The following APOL2 variants were observed in gnomAD, a reference collection of about 807,000 sequenced individuals.
APOL2 encodes the protein apolipoprotein L, 2.
APOL2 carries 8 observed loss-of-function variants against 7.1 expected under a neutral mutation model. That is an observed-to-expected ratio of 1.12 (90% CI 0.66 to 2.03). APOL2 has a LOEUF of 2.03. APOL2 is among the 30% of genes most tolerant of loss of function. APOL2 has a pLI of 0.00. For missense variants in APOL2, 471 were observed against 415.1 expected (o/e 1.13, Z -1.17); for synonymous variants, 177 against 159.9 (o/e 1.11, Z -0.81).
intron 1 of APOL2, chr22:36,237,432 A>G: frequency 2.6e-6 from 3 of 1,142,396 alleles, no homozygotes; most frequent in Non-Finnish European, 3.2e-6. Flanking sequence ...TTTTTGAGAA[A>G]CTGTCTTGCT....
chr22:36,236,477 G>T, intron 1 of APOL2: 1 of 807,732 alleles, frequency 1.2e-6, no homozygotes, highest in Non-Finnish European at 1.5e-6. Flanking sequence ...GAGAGATAGA[G>T]GGAGTGTACA....
intron 1 of APOL2, among the ~76,000 whole-genome samples, chr22:36,238,163 G>A (rs866069002): frequency 3.2e-4 from 49 of 152,218 alleles, no homozygotes; most frequent in African/African-American, 1.1e-3. Context: ...CACCCCCTAC[G>A]ACTGACCTGG....
intron 1 of APOL2, chr22:36,234,316 C>T (rs933366494): frequency 6.6e-6 from 1 of 152,232 alleles, no homozygotes; most frequent in African/African-American, 2.4e-5. Context: ...TTCAGTCTTA[C>T]TGGCTCTCAG....
intron 1 of APOL2, among the ~76,000 whole-genome samples, chr22:36,236,308 AG>A: frequency 6.6e-6 from 1 of 152,344 alleles, no homozygotes; most frequent in East Asian, 1.9e-4. Flanking sequence ...ACGAAGGAGA[AG>A]GAGGATTAAT....
intron 1 of APOL2, among the ~76,000 whole-genome samples, chr22:36,235,748 G>GTGTGTGTGT (rs1569532868): frequency 1.8e-5 from 2 of 110,742 alleles, no homozygotes; most frequent in African/African-American, 4.1e-5. Flanking sequence ...AGAAAGGGTG[G>GTGTGTGTGT]GTGGGTGGGT....
chr22:36,231,319 AGT>A lies in APOL2; in HGVS notation c.137+19_137+20del. 1.2e-6 allele frequency: 2 copies of A among 1,612,842 alleles called. No homozygotes were observed. The highest frequency in any genetic ancestry group is 3.3e-5 in the Admixed American group (2 of 60,008). On this transcript the variant is annotated intron_variant, in intron 4 of 4. Transcript: ENST00000358502. ...GTGGCATCGCTGGGGCGCCCCATGGAGTTAACCCCATGGAGCTTACCTGGGCA... is the reference window on the plus strand; with the variant it reads ...GTGGCATCGCTGGGGCGCCCCATGGATAACCCCATGGAGCTTACCTGGGCA...
chr22:36,239,143 C>T, intron 1 of APOL2: 1 of 1,212,496 alleles, frequency 8.2e-7, no homozygotes, highest in Non-Finnish European at 1.0e-6. Flanking sequence ...TACCTTTCTT[C>T]TGGGGTCAGC....
chr22:36,239,798 A>G (rs2015540189), upstream of APOL2: 3 of 434,678 alleles, frequency 6.9e-6, no homozygotes, highest in Admixed American at 3.8e-5. Flanking sequence ...AGTCAGAACC[A>G]GAGTTGAGCC....
chr22:36,234,794 A>G (rs893721560), intron 1 of APOL2, among the ~76,000 whole-genome samples: 1 of 152,196 alleles, frequency 6.6e-6, no homozygotes, highest in Non-Finnish European at 1.5e-5. Context: ...CCAAGAACCT[A>G]GGAAGTGTGT....
rs1168195048 is a variant in APOL2 at position 36,227,620 on chromosome 22, C to T, written c.798G>A (p.Gln266=). 4 of 1,614,262 alleles carry T rather than the reference C, an allele frequency of 2.5e-6. No individual in the cohort carries two copies. Among genetic ancestry groups the T allele is most frequent in the Non-Finnish European group, 3.4e-6 (4 of 1,180,044 alleles). ...QVERVVEGPA[Q]AMSRGTMIVG... is the part of the protein sequence containing the mutation. The stretch of plus-strand genomic sequence containing the variant: ...CGATCATGGTTCCTCTGCTCATTGC[C>T]TGGGCGGGGCCTTCAACAACCCTCT... Residue 266 remains glutamine (Q), a synonymous_variant, in exon 5 of 5, where the codon CAG becomes CAA. Coordinates refer to ENST00000358502, the MANE Select transcript of APOL2 (RefSeq NM_030882.4).
intron 4 of APOL2, among the ~76,000 whole-genome samples, chr22:36,229,556 T>A (rs1310745338): frequency 6.6e-6 from 1 of 152,212 alleles, no homozygotes. Context: ...CCTGTGTGTC[T>A]CTTCCTTAGG....
chr22:36,237,498 C>T, intron 1 of APOL2: 1 of 611,764 alleles, frequency 1.6e-6, no homozygotes, highest in Non-Finnish European at 2.1e-6. Context: ...AGCCTAGAGC[C>T]CCTGGGCTCA....
intron 3 of APOL2, among the ~76,000 whole-genome samples, chr22:36,231,939 C>T (rs2015240134): frequency 6.6e-6 from 1 of 152,210 alleles, no homozygotes; most frequent in Admixed American, 6.5e-5. Flanking sequence ...CATCCCTGAG[C>T]CTGTGCTTCT....
chr22:36,233,547 G>A lies in APOL2; in HGVS notation c.-133-92C>T. 4 of 1,175,850 alleles carry A rather than the reference G, an allele frequency of 3.4e-6. No homozygotes were observed. The East Asian group carries it at 7.7e-5, about 22-fold the overall frequency. The allele number at this position is 1,175,850 out of a possible 1,614,324, so 72.8% of individuals were successfully genotyped here. ...AGTCTATACACAGGAATAGAGATGG[G>A]AGGGAACATTCTGACAATGACCTGG... On this transcript the variant is annotated intron_variant, in intron 1 of 4. Coordinates refer to ENST00000358502, the MANE Select transcript of APOL2 (RefSeq NM_030882.4).
At chr22:36,237,910 G>T (rs572440857) in intron 1 of APOL2, among the ~76,000 whole-genome samples, 1 of 152,176 alleles carries the variant, frequency 6.6e-6, no homozygotes, top group Non-Finnish European at 1.5e-5. Flanking sequence ...CCCAGCCTCA[G>T]GCCTTCACTC....
rs1383440314 is a variant in APOL2 at position 36,227,937 on chromosome 22, C to T, written c.481G>A (p.Val161Met). The T allele has an allele frequency of 6.2e-7, 1 of 1,614,102 alleles. No homozygotes were observed. The highest frequency in any genetic ancestry group is 1.3e-5 in the African/African-American group (1 of 74,936). The change falls in exon 5 of 5, where the codon GTG (valine) becomes ATG (methionine). Residue 161 changes from valine (V) to methionine (M), a missense_variant. Transcript: ENST00000358502. ...TGMGLGAAAAVAGITCSVVEL... is the reference protein window; with the variant it reads ...TGMGLGAAAAMAGITCSVVEL... ...ACCACACTGCAGGTAATCCCAGCCA[C>T]AGCAGCTGCTGCTCCCAGACCCATG...
rs187223705 is a variant in APOL2, at chr22:36,226,407, C to T, written c.*997G>A. On this transcript the variant is annotated 3_prime_UTR_variant, in exon 5 of 5. Transcript: ENST00000358502. ...ATACTCTCTGGGAAGTTTGGGTTCT[C>T]AGGGACACCTGCTCCTCAGCTGGGG... 8.4e-3 allele frequency: 1,288 copies of T among 152,438 alleles called. 12 individuals carry two copies. Among genetic ancestry groups the T allele is most frequent in the Non-Finnish European group, 0.011 (723 of 68,138 alleles). The allele number at this position is 152,438 out of a possible 1,614,324, so 9.4% of individuals were successfully genotyped here.
At chr22:36,237,763 G>A (rs1306177730) in intron 1 of APOL2, among the ~76,000 whole-genome samples, 2 of 152,132 alleles carry the variant, frequency 1.3e-5, no homozygotes, top group African/African-American at 2.4e-5. Context: ...CCCCATAGCA[G>A]GGCACACAGG....
Position 36,227,152 on chromosome 22 carries a change from G to A in APOL2, c.*252C>T. Reference sequence around the variant, plus strand: ...AACACAGTGAAACCCCGTCTCCAGTGAAAATACAAAAAAATTAGCCGGGCG... The same window carrying A: ...AACACAGTGAAACCCCGTCTCCAGTAAAAATACAAAAAAATTAGCCGGGCG... On this transcript the variant is annotated 3_prime_UTR_variant, in exon 5 of 5. Coordinates refer to ENST00000358502, the MANE Select transcript of APOL2 (RefSeq NM_030882.4). 5.4e-6 allele frequency: 2 copies of A among 370,944 alleles called. No individual in the cohort carries two copies. Among genetic ancestry groups the A allele is most frequent in the Non-Finnish European group, 9.6e-6 (2 of 208,834 alleles). 23.0% of individuals were successfully genotyped at this position (370,944 alleles called of 1,614,324 possible).
Sources: gnomAD v4.1 joint callset for allele counts (sites outside exome capture counted in the v4.1 genomes callset) on GRCh38, gnomAD v4.1.1 for gene constraint, MANE v1.5 for transcripts, NCBI Gene and HGNC (gene_info 2026-07-23, HGNC 2026-07-21) for gene names.